Variants in XYLT1 observed in about 807,000 individuals in gnomAD.
XYLT1 encodes the protein beta-D-xylosyltransferase 1.
A neutral mutation model predicts 91.3 loss-of-function variants in XYLT1; 36 were observed. That is an observed-to-expected ratio of 0.39 (90% CI 0.30 to 0.52). The LOEUF is 0.52. XYLT1 is among the 20% of genes least tolerant of loss of function. The pLI, the probability that XYLT1 is intolerant of heterozygous loss-of-function variation, is 0.68. For missense variants in XYLT1, 1,242 were observed against 1,284.5 expected, an observed-to-expected ratio of 0.97 and a Z score of 0.51; for synonymous variants, 588 against 532.0, an observed-to-expected ratio of 1.11 and a Z score of -1.45.
chr16:17,108,434 T>C lies in XYLT1; in HGVS notation c.*261A>G. On this transcript the variant is annotated 3_prime_UTR_variant, in exon 12 of 12. Coordinates refer to ENST00000261381, the MANE Select transcript of XYLT1 (RefSeq NM_022166.4). ...CACTGGAAGGGGAAGACAAGGAACCTGTAGGACTTGAGGATCAACCAGAAG... is the reference window on the plus strand; with the variant it reads ...CACTGGAAGGGGAAGACAAGGAACCCGTAGGACTTGAGGATCAACCAGAAG... 1 of 398,288 alleles carries C rather than the reference T, an allele frequency of 2.5e-6. No homozygotes were observed. Among genetic ancestry groups the C allele is most frequent in the Non-Finnish European group, 4.4e-6 (1 of 225,064 alleles). The allele number at this position is 398,288 out of a possible 1,614,324, so 24.7% of individuals were successfully genotyped here.
At chr16:17,178,547 G>T (rs1234546497) in intron 5 of XYLT1, among the ~76,000 whole-genome samples, 1 of 152,162 alleles carries the variant, frequency 6.6e-6, no homozygotes, top group Non-Finnish European at 1.5e-5. Flanking sequence ...AGATGTACGT[G>T]TTCTGGGCAA....
chr16:17,113,129 G>GCACCAGGCCATGATAGTGGTTTT (rs1966845663), intron 11 of XYLT1, among the ~76,000 whole-genome samples: 4 of 150,598 alleles, frequency 2.7e-5, no homozygotes, highest in South Asian at 4.2e-4. Flanking sequence ...GTGAGCCACC[G>GCACCAGGCCATGATAGTGGTTTT]TGTCTGGCCT....
chr16:17,227,433 C>G (rs902254539), intron 3 of XYLT1: 1 of 152,654 alleles, frequency 6.6e-6, no homozygotes. Context: ...GCAGCAGGAA[C>G]AAGGCTGGCA....
intron 5 of XYLT1, among the ~76,000 whole-genome samples, chr16:17,164,603 A>G (rs1197791904): frequency 6.6e-6 from 1 of 152,202 alleles, no homozygotes; most frequent in African/African-American, 2.4e-5. Flanking sequence ...TAGGTACCTG[A>G]CATAAGTGGA....
chr16:17,320,851 G>A (rs2034708164), intron 2 of XYLT1, among the ~76,000 whole-genome samples: 1 of 149,800 alleles, frequency 6.7e-6, no homozygotes, highest in South Asian at 2.1e-4. Flanking sequence ...AATGATAATA[G>A]TTCCTGACTC....
chr16:17,183,034 G>A (rs1241161733), intron 5 of XYLT1, among the ~76,000 whole-genome samples: 2 of 152,140 alleles, frequency 1.3e-5, no homozygotes, highest in Non-Finnish European at 2.9e-5. Flanking sequence ...TTGGGTGATC[G>A]GCTTTCCCTC....
chr16:17,390,493 CAG>C (rs946115029), intron 1 of XYLT1, among the ~76,000 whole-genome samples: 2 of 152,226 alleles, frequency 1.3e-5, no homozygotes, highest in Admixed American at 6.5e-5. Flanking sequence ...GGTAAGTCAA[CAG>C]AGTCTGTCCA....
intron 1 of XYLT1, among the ~76,000 whole-genome samples, chr16:17,466,809 T>C (rs950923491): frequency 6.6e-6 from 1 of 152,146 alleles, no homozygotes. Flanking sequence ...TGCAGTAAGA[T>C]AAATATTATT....
intron 5 of XYLT1, among the ~76,000 whole-genome samples, chr16:17,169,608 C>A (rs1392841694): frequency 1.3e-5 from 2 of 150,682 alleles, no homozygotes; most frequent in Non-Finnish European, 3.0e-5. Flanking sequence ...ACGCAGGAAC[C>A]CAGGACGCCA....
At chr16:17,469,149 G>A (rs2036942293) in intron 1 of XYLT1, among the ~76,000 whole-genome samples, 1 of 152,216 alleles carries the variant, frequency 6.6e-6, no homozygotes. Context: ...CTGCACTCCG[G>A]CAGAAAGGGT....
At chr16:17,109,300 T>C (rs1966822230) in intron 11 of XYLT1, among the ~76,000 whole-genome samples, 1 of 152,206 alleles carries the variant, frequency 6.6e-6, no homozygotes, top group Non-Finnish European at 1.5e-5. Context: ...TCAGCCAATA[T>C]ATATTTTTAA....
At chr16:17,397,825 CTCTTTT>C (rs1457483306) in intron 1 of XYLT1, among the ~76,000 whole-genome samples, 1 of 136,628 alleles carries the variant, frequency 7.3e-6, no homozygotes, top group Admixed American at 7.3e-5. Flanking sequence ...GTTTGAATAG[CTCTTTT>C]TTTTTTTTTT....
chr16:17,433,454 G>A (rs1244085034), intron 1 of XYLT1, among the ~76,000 whole-genome samples: 3 of 152,220 alleles, frequency 2.0e-5, no homozygotes, highest in Admixed American at 1.3e-4. Context: ...AAGCACGGTC[G>A]GGAAGGGTTG....
At chr16:17,158,643 T>G (rs2031473898) in intron 6 of XYLT1, among the ~76,000 whole-genome samples, 186 bp downstream of exon 6, 1 of 152,160 alleles carries the variant, frequency 6.6e-6, no homozygotes. Context: ...TATGGTTATC[T>G]TGTCCTTGGC....
At chr16:17,304,459 A>G (rs1406246477) in intron 2 of XYLT1, among the ~76,000 whole-genome samples, 7 of 121,694 alleles carry the variant, frequency 5.8e-5, no homozygotes, top group African/African-American at 2.8e-4. Flanking sequence ...ATGCTGCGAA[A>G]AAATGCTGCA....
At position 17,312,951 on chromosome 16, in the gene XYLT1, G is replaced by T. The variant is rs1027033166; in HGVS notation, c.402+45061C>A. 1.3e-5 allele frequency among the ~76,000 whole-genome samples: 2 copies of T among 152,232 alleles called. No homozygotes were observed. The highest frequency in any genetic ancestry group is 2.9e-5 in the Non-Finnish European group (2 of 68,036). On this transcript the variant is annotated intron_variant, in intron 2 of 11. Transcript: ENST00000261381. This position sits in a 1 kb window ranked among gnomAD's most constrained non-coding sequence, Gnocchi z 4.4. ...ATGTAGGTTCCAGACCCATCCCAAA[G>T]AACCGGATCCTCTTGGAAAAGCTCC... is the stretch of plus-strand genomic sequence containing the variant.
chr16:17,415,802 T>C (rs892286374), intron 1 of XYLT1, among the ~76,000 whole-genome samples: 2 of 152,186 alleles, frequency 1.3e-5, no homozygotes, highest in African/African-American at 4.8e-5. Context: ...AGATTCCATT[T>C]GCTGTGCATG....
At chr16:17,196,758 A>C (rs1241431000) in intron 5 of XYLT1, among the ~76,000 whole-genome samples, 3 of 152,074 alleles carry the variant, frequency 2.0e-5, no homozygotes, top group Admixed American at 6.6e-5. Flanking sequence ...CAGTCAAAGG[A>C]AAAAGCTGCC....
chr16:17,152,610 T>TTTAC lies in XYLT1; in HGVS notation c.1370+6218_1370+6219insGTAA, dbSNP rs200727333. 7.6e-4 allele frequency among the ~76,000 whole-genome samples: 116 copies of TTTAC among 152,346 alleles called. 2 individuals are homozygous for TTTAC. The East Asian group carries it at 0.021, about 28-fold the overall frequency. ...CTCTCGACTGATTTGCCAACTTTTG[T>TTTAC]TTAAACATTTGCTTGTTTATACATC... is the stretch of plus-strand genomic sequence containing the variant. On this transcript the variant is annotated intron_variant, in intron 6 of 11. Transcript: ENST00000261381.
Sources: gnomAD v4.1 joint callset for allele counts (sites outside exome capture counted in the v4.1 genomes callset) on GRCh38, gnomAD v4.1.1 for gene constraint, Gnocchi (gnomAD v3.1) non-coding constraint, MANE v1.5 for transcripts, NCBI Gene and HGNC (gene_info 2026-07-23, HGNC 2026-07-21) for gene names.